GALNTL6: variants seen among roughly 807,000 people sequenced by gnomAD.
The protein encoded by GALNTL6 is polypeptide N-acetylgalactosaminyltransferase like 6, also known as polypeptide N-acetylgalactosaminyltransferase-like 6.
Under a neutral mutation model 73.7 loss-of-function variants are expected in GALNTL6, and 46 were observed. The ratio of observed to expected loss-of-function variants is 0.62; its 90% CI spans 0.49 to 0.80. GALNTL6 has a LOEUF of 0.80. Among genes scored for constraint, GALNTL6 ranks in the 30% least tolerant of loss-of-function variants. The pLI is 0.00. For synonymous variants in GALNTL6, 259 were observed against 263.7 expected, an observed-to-expected ratio of 0.98 and a Z score of 0.17; for missense variants, 604 against 755.0, an observed-to-expected ratio of 0.80 and a Z score of 2.34.
chr4:172,675,649 A>C (rs1257128844), intron 5 of GALNTL6, among the ~76,000 whole-genome samples: 1 of 152,234 alleles, frequency 6.6e-6, no homozygotes, highest in Non-Finnish European at 1.5e-5. Context: ...ATCAGAACTA[A>C]ATTCCAAGGA....
intron 2 of GALNTL6, among the ~76,000 whole-genome samples, chr4:171,950,984 C>A (rs1288312158): frequency 6.6e-6 from 1 of 151,760 alleles, no homozygotes; most frequent in African/African-American, 2.4e-5. Flanking sequence ...CTAGAAAAAG[C>A]AGGACACATG....
intron 2 of GALNTL6, among the ~76,000 whole-genome samples, chr4:172,208,627 A>C (rs1177656929): frequency 6.6e-6 from 1 of 152,256 alleles, no homozygotes; most frequent in East Asian, 1.9e-4. Context: ...AAGGTCACAA[A>C]ACAGAATTAT....
intron 2 of GALNTL6, among the ~76,000 whole-genome samples, chr4:171,844,352 A>G (rs997460472): frequency 3.3e-5 from 5 of 152,028 alleles, no homozygotes; most frequent in African/African-American, 1.2e-4. Flanking sequence ...TTTCTAGATA[A>G]GTGAGATGCC....
chr4:172,451,477 C>T (rs557042333), intron 5 of GALNTL6, among the ~76,000 whole-genome samples: 9 of 152,066 alleles, frequency 5.9e-5, no homozygotes, highest in African/African-American at 1.2e-4. Context: ...GAAAGTGTTA[C>T]AAAATATGGG....
At position 172,895,576 on chromosome 4, in the gene GALNTL6, TATA is replaced by T. The variant is rs1486104613; in HGVS notation, c.1041+12673_1041+12675del. Among the ~76,000 whole-genome samples the T allele has an allele frequency of 3.9e-5, 6 of 152,180 alleles. No individual in the cohort carries two copies. The East Asian group carries it at 5.8e-4, about 15-fold the overall frequency. ...TGCCTTTTACCTTTGTGAGTTTGAT[TATA>T]ATATGTTTTAGGGTATTCTTGTTTG... On this transcript the variant is annotated intron_variant, in intron 8 of 12. Transcript: ENST00000506823.
chr4:172,762,079 A>G (rs562305389), intron 5 of GALNTL6, among the ~76,000 whole-genome samples: 151 of 152,376 alleles, frequency 9.9e-4, no homozygotes, highest in Non-Finnish European at 1.7e-3. Flanking sequence ...TTCCAATTAA[A>G]AAAAATTCTT....
chr4:172,174,434 C>T (rs989577867), intron 2 of GALNTL6, among the ~76,000 whole-genome samples: 14 of 151,982 alleles, frequency 9.2e-5, no homozygotes, highest in Non-Finnish European at 1.9e-4. Context: ...CCTTGATGTG[C>T]ACTGCATGAT....
At chr4:171,900,637 C>T (rs531422709) in intron 2 of GALNTL6, among the ~76,000 whole-genome samples, 1 of 152,062 alleles carries the variant, frequency 6.6e-6, no homozygotes, top group South Asian at 2.1e-4. Flanking sequence ...AAACACATGG[C>T]TTTTCCTGAG....
chr4:172,795,586 G>T (rs1740218542), intron 5 of GALNTL6, among the ~76,000 whole-genome samples: 2 of 152,084 alleles, frequency 1.3e-5, no homozygotes, highest in African/African-American at 4.8e-5. Context: ...TATATTTACA[G>T]GGTACACAAG....
At chr4:172,391,559 A>G (rs1743665488) in intron 5 of GALNTL6, among the ~76,000 whole-genome samples, 1 of 152,096 alleles carries the variant, frequency 6.6e-6, no homozygotes, top group Non-Finnish European at 1.5e-5. Context: ...AAGAGGCTTT[A>G]TGACTTGATT....
At chr4:171,851,771 T>C (rs1403382970) in intron 2 of GALNTL6, among the ~76,000 whole-genome samples, 2 of 152,198 alleles carry the variant, frequency 1.3e-5, no homozygotes, top group African/African-American at 2.4e-5. Flanking sequence ...TGAAAGGCCA[T>C]TGCAATTTTA....
chr4:172,941,597 T>C (rs917805129), intron 9 of GALNTL6, among the ~76,000 whole-genome samples: 6 of 152,238 alleles, frequency 3.9e-5, no homozygotes, highest in African/African-American at 1.4e-4. Context: ...ATTGCATTTT[T>C]ATCATTATCC....
At chr4:171,891,960 T>C (rs1011072989) in intron 2 of GALNTL6, among the ~76,000 whole-genome samples, 2 of 152,176 alleles carry the variant, frequency 1.3e-5, no homozygotes, top group Non-Finnish European at 2.9e-5. Flanking sequence ...AAATCCAAAA[T>C]CTGAAATGCT....
At chr4:172,015,067 C>T (rs1377467911) in intron 2 of GALNTL6, among the ~76,000 whole-genome samples, 7 of 151,964 alleles carry the variant, frequency 4.6e-5, no homozygotes, top group Non-Finnish European at 1.0e-4. Context: ...TTGTTAAGTC[C>T]ATTTGTTTTA....
intron 5 of GALNTL6, among the ~76,000 whole-genome samples, chr4:172,478,253 CCTAA>C (rs1733310971): frequency 2.0e-5 from 3 of 152,154 alleles, no homozygotes; most frequent in Non-Finnish European, 4.4e-5. Context: ...CATCACATTA[CCTAA>C]CTTTGTTTGC....
At chr4:171,929,387 T>G (rs1321445855) in intron 2 of GALNTL6, among the ~76,000 whole-genome samples, 1 of 152,172 alleles carries the variant, frequency 6.6e-6, no homozygotes, top group Non-Finnish European at 1.5e-5. Flanking sequence ...TAAAAGGTCT[T>G]ACAATCGTTT....
At chr4:172,214,971 A>T (rs1196829568) in intron 2 of GALNTL6, among the ~76,000 whole-genome samples, 2 of 151,812 alleles carry the variant, frequency 1.3e-5, no homozygotes, top group Non-Finnish European at 2.9e-5. Context: ...ACAATTTTTG[A>T]TGTTTTATTT....
chr4:172,992,754 G>A (rs946120182), intron 10 of GALNTL6, among the ~76,000 whole-genome samples: 9 of 152,272 alleles, frequency 5.9e-5, no homozygotes, highest in Admixed American at 5.9e-4. Flanking sequence ...GAGCAACTGG[G>A]AGGTTATTAT....
At chr4:172,576,616 T>C (rs939350778) in intron 5 of GALNTL6, among the ~76,000 whole-genome samples, 2 of 152,148 alleles carry the variant, frequency 1.3e-5, no homozygotes, top group Admixed American at 1.3e-4. Context: ...TAAAAGGTGA[T>C]TAATTATCCT....
Sources: allele counts gnomAD v4.1 joint callset (sites outside exome capture counted in the v4.1 genomes callset), GRCh38; gene constraint gnomAD v4.1.1; transcripts MANE v1.5; gene names NCBI Gene and HGNC (gene_info 2026-07-23, HGNC 2026-07-21).